The following NKAIN2 variants were observed in gnomAD, a reference collection of about 807,000 sequenced individuals.
The protein encoded by NKAIN2 is sodium/potassium-transporting ATPase subunit beta-1-interacting protein 2.
In NKAIN2, 14 loss-of-function variants were observed where a neutral mutation model predicts 32.6. The ratio of observed to expected loss-of-function variants is 0.43; its 90% confidence interval spans 0.28 to 0.67. The LOEUF is 0.67. Among genes scored for constraint, NKAIN2 ranks in the 30% least tolerant of loss-of-function variants. The pLI, the probability that NKAIN2 is intolerant of heterozygous loss-of-function variation, is 0.17. For synonymous variants in NKAIN2, 80 were observed against 87.2 expected (o/e 0.92, Z 0.46); for missense variants, 198 against 258.3 (o/e 0.77, Z 1.60).
chr6:124,606,540 T>A (rs1380486715), intron 3 of NKAIN2, among the ~76,000 whole-genome samples: 1 of 152,148 alleles, frequency 6.6e-6, no homozygotes, highest in African/African-American at 2.4e-5. Flanking sequence ...TCTTTTATTG[T>A]ACATCCATTA....
At chr6:124,024,308 C>A (rs1243027137) in intron 1 of NKAIN2, among the ~76,000 whole-genome samples, 1 of 152,056 alleles carries the variant, frequency 6.6e-6, no homozygotes, top group Admixed American at 6.6e-5. Context: ...CCAGATTACT[C>A]ATATTTTAAC....
chr6:123,920,182 A>T (rs1345343976), intron 1 of NKAIN2, among the ~76,000 whole-genome samples: 1 of 152,146 alleles, frequency 6.6e-6, no homozygotes, highest in Non-Finnish European at 1.5e-5. Flanking sequence ...TTTCTGGAGT[A>T]TAAGTTTGTT....
chr6:124,530,177 T>C (rs1779468723), intron 3 of NKAIN2, among the ~76,000 whole-genome samples: 1 of 152,356 alleles, frequency 6.6e-6, no homozygotes. Flanking sequence ...TAACTACTAA[T>C]AGCCTACTGA....
intron 1 of NKAIN2, among the ~76,000 whole-genome samples, chr6:123,887,286 G>T (rs1484927943): frequency 7.3e-6 from 1 of 137,920 alleles, no homozygotes; most frequent in Non-Finnish European, 1.6e-5. Flanking sequence ...CATTCACGAG[G>T]TCTACACTCA....
intron 3 of NKAIN2, among the ~76,000 whole-genome samples, chr6:124,510,760 A>G (rs1016629169): frequency 6.6e-6 from 1 of 152,084 alleles, no homozygotes; most frequent in Admixed American, 6.6e-5. Context: ...TGTTACAATT[A>G]TTTTTATCTG....
chr6:124,315,232 G>A (rs1796898385), intron 2 of NKAIN2, among the ~76,000 whole-genome samples: 1 of 152,032 alleles, frequency 6.6e-6, no homozygotes, highest in African/African-American at 2.4e-5. Context: ...TCTTGGGTTT[G>A]TAAACTAATC....
At chr6:124,065,427 T>C (rs1008585920) in intron 1 of NKAIN2, among the ~76,000 whole-genome samples, 3 of 152,098 alleles carry the variant, frequency 2.0e-5, no homozygotes, top group Non-Finnish European at 4.4e-5. Context: ...TTATTGATAG[T>C]ATTAGATGGT....
intron 1 of NKAIN2, among the ~76,000 whole-genome samples, chr6:123,888,271 T>C (rs1773825364): frequency 1.3e-5 from 2 of 152,120 alleles, no homozygotes; most frequent in South Asian, 4.1e-4. Context: ...TAAAGATTAA[T>C]GGAAGTCATA....
intron 3 of NKAIN2, among the ~76,000 whole-genome samples, chr6:124,566,851 CAGAA>C (rs1780934222): frequency 6.6e-6 from 1 of 151,840 alleles, no homozygotes; most frequent in Non-Finnish European, 1.5e-5. Flanking sequence ...CTGTAACATT[CAGAA>C]AGAAAGAAAT....
At chr6:123,980,534 C>T (rs1418414139) in intron 1 of NKAIN2, among the ~76,000 whole-genome samples, 2 of 152,188 alleles carry the variant, frequency 1.3e-5, no homozygotes, top group Non-Finnish European at 2.9e-5. Context: ...GCTAAGTACT[C>T]TGTAAATGCC....
intron 1 of NKAIN2, among the ~76,000 whole-genome samples, chr6:123,929,239 C>T (rs1776144307): frequency 1.3e-5 from 2 of 152,114 alleles, no homozygotes; most frequent in Non-Finnish European, 2.9e-5. Flanking sequence ...TTAGTAACTG[C>T]ATGATTGATA....
At chr6:124,144,864 G>A (rs1787321157) in intron 1 of NKAIN2, among the ~76,000 whole-genome samples, 1 of 152,152 alleles carries the variant, frequency 6.6e-6, no homozygotes, top group Non-Finnish European at 1.5e-5. Context: ...GGAAATATCT[G>A]TAGACCACAA....
chr6:124,430,157 A>G (rs1775153599), intron 3 of NKAIN2, among the ~76,000 whole-genome samples: 1 of 152,252 alleles, frequency 6.6e-6, no homozygotes, highest in Middle Eastern at 3.2e-3. Flanking sequence ...TTCCTTGAGG[A>G]AATTTACAAT....
At chr6:124,577,029 T>C (rs918546949) in intron 3 of NKAIN2, among the ~76,000 whole-genome samples, 17 of 152,196 alleles carry the variant, frequency 1.1e-4, no homozygotes, top group Non-Finnish European at 2.2e-4. Flanking sequence ...AAATGAAAGA[T>C]AAATATTTTC....
In NKAIN2 at chr6:124,786,894, T is replaced by C. The variant is rs550632757; in HGVS notation, c.475-4445T>C. ...GATACTCATATCTACTCTAACAACA[T>C]GAGCCTCTATTATCTGCTTTGTGCC... On this transcript the variant is annotated intron_variant, in intron 4 of 6. Transcript: ENST00000368417. Among the ~76,000 whole-genome samples, 18 of 152,244 alleles carry C rather than the reference T, an allele frequency of 1.2e-4. No individual in the cohort carries two copies. In the South Asian group the frequency reaches 2.5e-3, roughly 21 times the overall value.
chr6:124,753,309 C>T (rs143205285), intron 4 of NKAIN2, among the ~76,000 whole-genome samples: 43 of 152,246 alleles, frequency 2.8e-4, no homozygotes, highest in East Asian at 1.6e-3. Flanking sequence ...CAAAACTGCA[C>T]ACTATGATTA....
intron 3 of NKAIN2, among the ~76,000 whole-genome samples, chr6:124,419,142 T>A (rs1483992212): frequency 6.6e-6 from 1 of 152,160 alleles, no homozygotes; most frequent in Non-Finnish European, 1.5e-5. Context: ...TAGAGGAATC[T>A]TCTTTCACTT....
chr6:124,619,051 C>T (rs1198462669), intron 3 of NKAIN2, among the ~76,000 whole-genome samples: 3 of 151,998 alleles, frequency 2.0e-5, no homozygotes, highest in Non-Finnish European at 2.9e-5. Context: ...AATCACTCTC[C>T]TCCCAAAAGT....
chr6:124,187,558 C>T (rs1438284183), intron 1 of NKAIN2, among the ~76,000 whole-genome samples: 4 of 152,206 alleles, frequency 2.6e-5, no homozygotes, highest in Non-Finnish European at 5.9e-5. Flanking sequence ...GCAGAATTTC[C>T]GAAGGTAGGG....
Sources: allele counts gnomAD v4.1 joint callset (sites outside exome capture counted in the v4.1 genomes callset), GRCh38; gene constraint gnomAD v4.1.1; transcripts MANE v1.5; gene names NCBI Gene and HGNC (gene_info 2026-07-23, HGNC 2026-07-21).